PDLIM1: variants seen among roughly 807,000 people sequenced by gnomAD.
PDLIM1 encodes PDZ and LIM domain protein 1.
In PDLIM1, 25 loss-of-function variants were observed where a neutral mutation model predicts 35.2. The observed-to-expected ratio is 0.71, with a 90% confidence interval of 0.52 to 0.99. PDLIM1 has a LOEUF of 0.99. PDLIM1 is among the 50% of genes least tolerant of loss of function. PDLIM1 has a pLI of 0.00. For missense variants in PDLIM1, 363 were observed against 415.3 expected (o/e 0.87, Z 1.09); for synonymous variants, 152 against 154.0 (o/e 0.99, Z 0.10).
chr10:95,247,415 A>G (rs1000829330), intron 4 of PDLIM1, 49 bp from the exon 5 acceptor site: 3 of 1,502,484 alleles, frequency 2.0e-6, no homozygotes, highest in Non-Finnish European at 2.7e-6. Context: ...GAAGTTAAAA[A>G]TAACTTCACC....
chr10:95,285,623 A>C (rs532865149), intron 1 of PDLIM1, among the ~76,000 whole-genome samples: 1 of 152,250 alleles, frequency 6.6e-6, no homozygotes, highest in Admixed American at 6.5e-5. Flanking sequence ...GCACTCAAAA[A>C]ATGTTAGCTG....
At chr10:95,277,640 A>AAAAAT (rs45565541) in intron 1 of PDLIM1, among the ~76,000 whole-genome samples, 91,475 of 150,258 alleles carry the variant, frequency 0.61, 28,810 homozygotes, top group Middle Eastern at 0.79. Flanking sequence ...AAGAATGTCT[A>AAAAAT]AAAATAAAAT....
intron 1 of PDLIM1, among the ~76,000 whole-genome samples, chr10:95,278,624 A>G (rs1276094364): frequency 1.3e-5 from 2 of 152,194 alleles, no homozygotes; most frequent in Non-Finnish European, 2.9e-5. Context: ...CTCAAAAAAA[A>G]AAAAGAAAAG....
intron 3 of PDLIM1, among the ~76,000 whole-genome samples, chr10:95,264,786 C>T (rs2035398463): frequency 6.6e-6 from 1 of 152,130 alleles, no homozygotes; most frequent in Admixed American, 6.5e-5. Context: ...TTCCCTCCAC[C>T]CCCACCCTAG....
chr10:95,266,071 G>A (rs1039094240), intron 3 of PDLIM1, among the ~76,000 whole-genome samples: 2 of 151,968 alleles, frequency 1.3e-5, no homozygotes, highest in African/African-American at 4.8e-5. Flanking sequence ...GGTGGCACCT[G>A]CCTGTAATCC....
intron 4 of PDLIM1, among the ~76,000 whole-genome samples, chr10:95,248,257 T>G (rs1225303773): frequency 1.3e-5 from 2 of 152,200 alleles, no homozygotes; most frequent in Non-Finnish European, 2.9e-5. Context: ...TATTTTTTGT[T>G]TTTTAGAGAC....
chr10:95,238,144 A>C lies in PDLIM1; in HGVS notation c.804-33T>G, dbSNP rs369246498. On this transcript the variant is annotated intron_variant, in intron 6 of 6. Transcript: ENST00000329399. ...AGCAAGGGAGGGAAGGGACTCCATC[A>C]GTGACAAGCACCTGCAGGTGGCACC... 1.9e-5 allele frequency: 31 copies of C among 1,597,174 alleles called. No homozygotes were observed. The East Asian group carries it at 3.4e-4, about 17-fold the overall frequency.
intron 5 of PDLIM1, among the ~76,000 whole-genome samples, chr10:95,243,805 C>T (rs891164048): frequency 1.3e-5 from 2 of 152,232 alleles, no homozygotes; most frequent in Middle Eastern, 3.4e-3. Context: ...ACACATGCTA[C>T]ATGGATGAAC....
At chr10:95,280,058 T>C (rs1216645590) in intron 1 of PDLIM1, among the ~76,000 whole-genome samples, 2 of 152,212 alleles carry the variant, frequency 1.3e-5, no homozygotes, top group East Asian at 3.9e-4. Flanking sequence ...TATTAGTCCT[T>C]TTTAGTAAAT....
chr10:95,271,788 G>A lies in PDLIM1; in HGVS notation c.97-4C>T, dbSNP rs753910919. The A allele has an allele frequency of 6.2e-6, 10 of 1,601,746 alleles. No homozygotes were observed. In the Admixed American group the frequency reaches 1.1e-4, roughly 17 times the overall value. ...CCGCCTTGCTTCCAGGAGTGACCTA[G>A]AAAAAAAGGGGAAAGCAGGCTAGTT... is the stretch of plus-strand genomic sequence containing the variant. On this transcript the variant is annotated splice_polypyrimidine_tract_variant and splice_region_variant and intron_variant, in intron 1 of 6. Coordinates refer to ENST00000329399, the MANE Select transcript of PDLIM1 (RefSeq NM_020992.4).
chr10:95,277,003 C>A (rs1176748564), intron 1 of PDLIM1, among the ~76,000 whole-genome samples: 1 of 150,798 alleles, frequency 6.6e-6, no homozygotes, highest in Non-Finnish European at 1.5e-5. Flanking sequence ...GCCTTGAGCT[C>A]AGGAGTTCGA....
chr10:95,261,261 C>G (rs1165275932), intron 4 of PDLIM1, among the ~76,000 whole-genome samples: 1 of 152,200 alleles, frequency 6.6e-6, no homozygotes, highest in African/African-American at 2.4e-5. Context: ...ATATTTCTCC[C>G]AATGCATAGC....
At chr10:95,281,944 T>C (rs569665873) in intron 1 of PDLIM1, among the ~76,000 whole-genome samples, 1 of 152,376 alleles carries the variant, frequency 6.6e-6, no homozygotes, top group South Asian at 2.1e-4. Context: ...TCCTCTTCCA[T>C]GTTCCAATTT....
chr10:95,245,848 G>C (rs1417003316), intron 5 of PDLIM1, among the ~76,000 whole-genome samples: 1 of 152,162 alleles, frequency 6.6e-6, no homozygotes, highest in Non-Finnish European at 1.5e-5. Flanking sequence ...CCAGGTGTCG[G>C]GTGTGTTCAG....
intron 1 of PDLIM1, among the ~76,000 whole-genome samples, chr10:95,283,539 A>C (rs1297242194): frequency 6.6e-6 from 1 of 152,232 alleles, no homozygotes; most frequent in African/African-American, 2.4e-5. Flanking sequence ...AGATATAGTA[A>C]TTTGGTTTTA....
At chr10:95,286,256 C>G (rs1186024590) in intron 1 of PDLIM1, among the ~76,000 whole-genome samples, 2 of 152,036 alleles carry the variant, frequency 1.3e-5, no homozygotes, top group Non-Finnish European at 2.9e-5. Context: ...ACTCAGGAGG[C>G]TGAGGCACAA....
intron 5 of PDLIM1, among the ~76,000 whole-genome samples, chr10:95,245,563 T>C (rs1337344802): frequency 6.6e-6 from 1 of 152,194 alleles, no homozygotes; most frequent in Non-Finnish European, 1.5e-5. Context: ...GTGAAATAAG[T>C]TGTGGTTTCT....
At chr10:95,262,821 C>T (rs1163091814) in intron 4 of PDLIM1, among the ~76,000 whole-genome samples, 1 of 152,168 alleles carries the variant, frequency 6.6e-6, no homozygotes, top group Admixed American at 6.5e-5. Flanking sequence ...AGACACTGGG[C>T]CCCTCTGCTG....
intron 4 of PDLIM1, among the ~76,000 whole-genome samples, chr10:95,254,715 G>A (rs562746387): frequency 2.6e-5 from 4 of 151,986 alleles, no homozygotes; most frequent in Non-Finnish European, 4.4e-5. Context: ...TCAGAAGTTC[G>A]AGACCAGCCT....
Sources: gnomAD v4.1 joint callset for allele counts (sites outside exome capture counted in the v4.1 genomes callset) on GRCh38, gnomAD v4.1.1 for gene constraint, MANE v1.5 for transcripts, NCBI Gene and HGNC (gene_info 2026-07-23, HGNC 2026-07-21) for gene names.